The following FANCM variants were observed in gnomAD, a reference collection of about 807,000 sequenced individuals.
FANCM encodes the protein FA complementation group M.
FANCM carries 140 observed loss-of-function variants against 199.5 expected under a neutral mutation model. That is an observed-to-expected ratio of 0.70 (90% CI 0.61 to 0.81). FANCM has a LOEUF of 0.81. FANCM is among the 30% of genes least tolerant of loss of function. The pLI is 0.00. For synonymous variants in FANCM, 840 were observed against 836.8 expected (o/e 1.00, Z -0.07); for missense variants, 2,410 against 2,421.4 (o/e 1.00, Z 0.10).
Position 45,148,825 on chromosome 14 carries a change from G to C in FANCM, c.760-12G>C, listed in dbSNP as rs1436042358. 2 of 1,588,252 alleles carry C rather than the reference G, an allele frequency of 1.3e-6. No individual in the cohort carries two copies. Among genetic ancestry groups the C allele is most frequent in the African/African-American group, 2.7e-5 (2 of 74,456 alleles). On this transcript the variant is annotated splice_polypyrimidine_tract_variant and intron_variant, in intron 3 of 22. Transcript: ENST00000267430. ...ATGTAGTTTATAATCATACTTAATTGATTTCATATAGGCTGTGCAACAAGT... is the reference window on the plus strand; with the variant it reads ...ATGTAGTTTATAATCATACTTAATTCATTTCATATAGGCTGTGCAACAAGT...
intron 10 of FANCM, among the ~76,000 whole-genome samples, chr14:45,166,131 TA>T (rs953068325): frequency 5.1e-4 from 71 of 140,072 alleles, no homozygotes; most frequent in Middle Eastern, 3.6e-3. Flanking sequence ...ATTTTCTTTT[TA>T]AAAAAAAAAA....
intron 18 of FANCM, 84 bp downstream of exon 18, chr14:45,185,457 C>G (rs1889342894): frequency 1.4e-5 from 11 of 797,864 alleles, no homozygotes; most frequent in African/African-American, 1.8e-5. Context: ...TTTAATGAAA[C>G]TAGACCTTAA....
chr14:45,197,142 A>C (rs1890102961), intron 21 of FANCM, among the ~76,000 whole-genome samples: 1 of 152,136 alleles, frequency 6.6e-6, no homozygotes, highest in Non-Finnish European at 1.5e-5. Context: ...GCGAGCCCTC[A>C]AGAACAGTAA....
Position 45,175,642 on chromosome 14 carries a change from T to G in FANCM, c.2888T>G (p.Phe963Cys). 6.2e-7 allele frequency: 1 copy of G among 1,613,498 alleles called. No individual in the cohort carries two copies. The highest frequency in any genetic ancestry group is 8.5e-7 in the Non-Finnish European group (1 of 1,179,610). Residue 963 changes from phenylalanine to cysteine, a missense_variant, in exon 14 of 23, where the codon TTC (phenylalanine) becomes TGC (cysteine). Physicochemically the swap from Phe to Cys is radical, Grantham distance 205. Coordinates refer to ENST00000267430, the MANE Select transcript of FANCM (RefSeq NM_020937.4). Reference sequence around the variant, plus strand: ...GTTTCATCTAACTTATTTCTTCCATTCGAAGAAGAGCTTTATATTGTTAGA... The same window carrying G: ...GTTTCATCTAACTTATTTCTTCCATGCGAAGAAGAGCTTTATATTGTTAGA... The part of the protein sequence containing the change: ...KSVSSNLFLP[F>C]EEELYIVRTD...
In FANCM at chr14:45,196,187, G is replaced by T. The variant is rs776304488; in HGVS notation, c.5356G>T (p.Glu1786Ter). 1.9e-6 allele frequency: 3 copies of T among 1,614,106 alleles called. No individual in the cohort carries two copies. The highest frequency in any genetic ancestry group is 2.5e-6 in the Non-Finnish European group (3 of 1,179,982). Residue 1786 changes from glutamate (E) to a stop codon, truncating the protein, a stop_gained, in exon 21 of 23, where the codon GAG (glutamate) becomes TAG (stop). Coordinates refer to ENST00000267430, the MANE Select transcript of FANCM (RefSeq NM_020937.4). LOFTEE classifies it high-confidence loss of function. The stretch of plus-strand genomic sequence containing the variant: ...ACTTTTTCAGGATGGTAGTGCTTTG[G>T]AGGATTCTAGCACTTCAGGGGCATC... ...PVPQKDGSAL[E>*]DSSTSGASCS...
chr14:45,168,798 A>G (rs1017984725), intron 11 of FANCM, among the ~76,000 whole-genome samples: 1 of 147,946 alleles, frequency 6.8e-6, no homozygotes, highest in Non-Finnish European at 1.5e-5. Flanking sequence ...ATATATTAAA[A>G]TATATAGTAT....
chr14:45,176,955 A>C lies in FANCM; in HGVS notation c.4201A>C (p.Lys1401Gln), dbSNP rs1888749929. The change falls in exon 14 of 23, where the codon AAA becomes CAA. Residue 1401 changes from lysine to glutamine, a missense_variant. Physicochemically the swap from Lys to Gln is moderately conservative, Grantham distance 53. Coordinates refer to ENST00000267430, the MANE Select transcript of FANCM (RefSeq NM_020937.4). ...AAGCAGTGGTCCAATGTATCTGCAT[A>C]AATCCTGTCATTCTGTTGAAGGTAA... The part of the protein sequence containing the change: ...SKSSGPMYLH[K>Q]SCHSVEDGQL... The C allele has an allele frequency of 1.3e-6, 2 of 1,595,472 alleles. No individual in the cohort carries two copies. The highest frequency in any genetic ancestry group is 2.7e-5 in the African/African-American group (2 of 74,664).
chr14:45,196,287 G>T lies in FANCM; in HGVS notation c.5456G>T (p.Cys1819Phe). The change falls in exon 21 of 23, where the codon TGT (cysteine) becomes TTT (phenylalanine). Residue 1819 changes from cysteine to phenylalanine, a missense_variant. Coordinates refer to ENST00000267430, the MANE Select transcript of FANCM (RefSeq NM_020937.4). Reference sequence around the variant, plus strand: ...CTTCCGCAGGAAGGAAAAGGAACCTGTATTCTTGTAGGTGGTCATGAAATC... The same window carrying T: ...CTTCCGCAGGAAGGAAAAGGAACCTTTATTCTTGTAGGTGGTCATGAAATC... ...LRLPQEGKGT[C>F]ILVGGHEITS... is the part of the protein sequence containing the mutation. 1 of 1,614,118 alleles carries T rather than the reference G, an allele frequency of 6.2e-7. No homozygotes were observed. The highest frequency in any genetic ancestry group is 8.5e-7 in the Non-Finnish European group (1 of 1,180,000).
intron 9 of FANCM, 95 bp downstream of exon 9, chr14:45,159,375 T>C: frequency 1.2e-6 from 1 of 833,462 alleles, no homozygotes; most frequent in Non-Finnish European, 1.9e-6. Context: ...GTCAATTAGC[T>C]ACTTAAAAAG....
chr14:45,167,015 C>T lies in FANCM; in HGVS notation c.1854C>T (p.Val618=), dbSNP rs1281978781. 1.7e-5 allele frequency: 27 copies of T among 1,611,054 alleles called. No individual in the cohort carries two copies. The highest frequency in any genetic ancestry group is 2.2e-5 in the Non-Finnish European group (26 of 1,177,262). The change falls in exon 11 of 23, where the codon GTC becomes GTT. Residue 618 remains valine, a synonymous_variant. Coordinates refer to ENST00000267430, the MANE Select transcript of FANCM (RefSeq NM_020937.4). ...IYKAISSNRQ[V]LHFYQRSPRM... is the part of the protein sequence containing the mutation. ...AAGCTATTTCAAGTAACAGGCAGGT[C>T]CTTCATTTTTACCAAAGAAGTCCAC...
At chr14:45,138,911 G>C (rs1594753715) in intron 2 of FANCM, among the ~76,000 whole-genome samples, 1 of 152,308 alleles carries the variant, frequency 6.6e-6, no homozygotes, top group East Asian at 1.9e-4. Flanking sequence ...TTCGTGAAAA[G>C]AAGTAATGTA....
At position 45,136,020 on chromosome 14, in the gene FANCM, G is replaced by C. The variant is rs774823600; in HGVS notation, c.-12G>C. ...GGATATCTGACAGAAGCCTTCGGTG[G>C]TTGTCGGCCTAATGAGCGGACGGCA... On this transcript the variant is annotated 5_prime_UTR_variant, in exon 1 of 23. Coordinates refer to ENST00000267430, the MANE Select transcript of FANCM (RefSeq NM_020937.4). The C allele has an allele frequency of 9.3e-6, 15 of 1,613,018 alleles. No homozygotes were observed. The highest frequency in any genetic ancestry group is 1.0e-5 in the Non-Finnish European group (12 of 1,180,006).
chr14:45,173,327 G>C, intron 13 of FANCM, 117 bp downstream of exon 13: 1 of 887,440 alleles, frequency 1.1e-6, no homozygotes, highest in South Asian at 1.4e-5. Context: ...ATAGTTCCTT[G>C]TGATCTCAGT....
intron 9 of FANCM, 82 bp downstream of exon 9, chr14:45,159,362 C>T: frequency 1.0e-6 from 1 of 966,398 alleles, no homozygotes; most frequent in East Asian, 2.6e-5. Flanking sequence ...TTTTAACTCA[C>T]TGGTCAATTA....
At chr14:45,151,055 T>C (rs375165246) in intron 4 of FANCM, among the ~76,000 whole-genome samples, 2 of 152,230 alleles carry the variant, frequency 1.3e-5, no homozygotes, top group South Asian at 2.1e-4. Context: ...ATACTGAGGA[T>C]GTAACAGTGC....
At chr14:45,172,045 T>C (rs1328347656) in intron 12 of FANCM, among the ~76,000 whole-genome samples, 2 of 152,190 alleles carry the variant, frequency 1.3e-5, no homozygotes, top group African/African-American at 2.4e-5. Flanking sequence ...TTTTTAATTA[T>C]GGCCATTCTT....
chr14:45,160,548 T>A (rs1887527777), intron 9 of FANCM, among the ~76,000 whole-genome samples: 1 of 151,072 alleles, frequency 6.6e-6, no homozygotes. Flanking sequence ...TATTCTTTTT[T>A]TTTTTCTTTT....
At chr14:45,166,809 G>T in intron 10 of FANCM, 141 bp from the exon 11 acceptor site, 1 of 587,716 alleles carries the variant, frequency 1.7e-6, no homozygotes, top group Non-Finnish European at 3.0e-6. Context: ...CAAGACAACA[G>T]AAGCTCCATT....
chr14:45,159,349 T>C (rs1259285707), intron 9 of FANCM, 69 bp downstream of exon 9: 1 of 1,151,284 alleles, frequency 8.7e-7, no homozygotes, highest in African/African-American at 1.5e-5. Context: ...CTTTTTTTGT[T>C]AGTTTTAACT....
Sources: gnomAD v4.1 joint callset for allele counts (sites outside exome capture counted in the v4.1 genomes callset) on GRCh38, gnomAD v4.1.1 for gene constraint, MANE v1.5 for transcripts, NCBI Gene and HGNC (gene_info 2026-07-23, HGNC 2026-07-21) for gene names.